DPP10: variants seen among roughly 807,000 people sequenced by gnomAD.
DPP10 encodes inactive dipeptidyl peptidase 10.
Under a neutral mutation model 120.9 loss-of-function variants are expected in DPP10, and 33 were observed. The observed-to-expected ratio is 0.27, with a 90% confidence interval of 0.21 to 0.37. The LOEUF (loss-of-function observed/expected upper bound fraction) is 0.37. Among genes scored for constraint, DPP10 ranks in the 10% least tolerant of loss-of-function variants. The pLI, the probability that DPP10 is intolerant of heterozygous loss-of-function variation, is 1.00. For synonymous variants in DPP10, 337 were observed against 326.1 expected (o/e 1.03, Z -0.36); for missense variants, 816 against 942.8 (o/e 0.87, Z 1.76).
At chr2:115,014,745 A>C (rs745363123) in intron 1 of DPP10, among the ~76,000 whole-genome samples, 6 of 152,098 alleles carry the variant, frequency 3.9e-5, no homozygotes, top group Non-Finnish European at 8.8e-5. Flanking sequence ...ATCTAGAAGA[A>C]ATGGATAAAT....
intron 10 of DPP10, among the ~76,000 whole-genome samples, chr2:115,751,959 C>T (rs964348441): frequency 1.4e-5 from 2 of 139,720 alleles, no homozygotes; most frequent in Non-Finnish European, 3.2e-5. Context: ...CCACAACACC[C>T]GGCTAATTTT....
intron 1 of DPP10, among the ~76,000 whole-genome samples, chr2:114,882,704 G>A (rs1691746184): frequency 6.6e-6 from 1 of 152,030 alleles, no homozygotes; most frequent in Non-Finnish European, 1.5e-5. Context: ...AATGCAGGCA[G>A]AGATATCTAC....
At chr2:115,237,012 G>A (rs148899757) in intron 1 of DPP10, among the ~76,000 whole-genome samples, 3 of 152,218 alleles carry the variant, frequency 2.0e-5, no homozygotes, top group African/African-American at 7.2e-5. Context: ...TTAATGTATA[G>A]CAGCAGCAAC....
rs181474495 is a variant in DPP10, at chr2:115,397,750, C to T, written c.271+53838C>T. Among the ~76,000 whole-genome samples, 7 of 152,230 alleles carry T rather than the reference C, an allele frequency of 4.6e-5. No homozygotes were observed. In the East Asian group the frequency reaches 9.6e-4, roughly 21 times the overall value. ...TCCTGTGCTTTTGGCTGTGATTTTC[C>T]GGTTACTTGAATTTCTTGTCTGCCT... On this transcript the variant is annotated intron_variant, in intron 3 of 25. Coordinates refer to ENST00000410059, the MANE Select transcript of DPP10 (RefSeq NM_020868.6).
At chr2:114,682,141 T>G (rs1178495770) in intron 1 of DPP10, among the ~76,000 whole-genome samples, 1 of 151,932 alleles carries the variant, frequency 6.6e-6, no homozygotes, top group Admixed American at 6.6e-5. Flanking sequence ...GACTCACAGA[T>G]TGGTGCTGTC....
At chr2:115,114,611 A>G (rs1043468534) in intron 1 of DPP10, among the ~76,000 whole-genome samples, 1 of 152,222 alleles carries the variant, frequency 6.6e-6, no homozygotes, top group African/African-American at 2.4e-5. Context: ...CCTGCATTCA[A>G]GTTCTAACTC....
At chr2:114,911,316 C>A (rs986877590) in intron 1 of DPP10, among the ~76,000 whole-genome samples, 2 of 152,036 alleles carry the variant, frequency 1.3e-5, no homozygotes, top group Non-Finnish European at 2.9e-5. Context: ...GTTTGTAGAG[C>A]CCTAATGAAT....
intron 1 of DPP10, among the ~76,000 whole-genome samples, chr2:114,884,660 C>G (rs1002326056): frequency 1.3e-5 from 2 of 152,120 alleles, no homozygotes; most frequent in African/African-American, 4.8e-5. Context: ...ACCTGTCACC[C>G]TAGCACTGTC....
chr2:115,327,117 GAT>G (rs1179959866), intron 2 of DPP10, among the ~76,000 whole-genome samples: 3 of 151,930 alleles, frequency 2.0e-5, no homozygotes, highest in African/African-American at 7.2e-5. Flanking sequence ...TCTATGTTTA[GAT>G]ACACAAATAG....
intron 1 of DPP10, among the ~76,000 whole-genome samples, chr2:114,482,333 A>G (rs1558799978): frequency 6.6e-6 from 1 of 152,148 alleles, no homozygotes; most frequent in African/African-American, 2.4e-5. Context: ...GATTGAATCT[A>G]TTTTTGCCTA....
At chr2:115,308,160 A>G (rs546114357) in intron 1 of DPP10, among the ~76,000 whole-genome samples, 16 of 152,186 alleles carry the variant, frequency 1.1e-4, no homozygotes, top group African/African-American at 3.9e-4. Flanking sequence ...ATTGACATCA[A>G]TGTTTTAATC....
chr2:115,739,691 G>A, intron 8 of DPP10, 48 bp from the exon 9 acceptor site: 2 of 1,583,844 alleles, frequency 1.3e-6, no homozygotes, highest in Non-Finnish European at 1.7e-6. Flanking sequence ...GTGGGTCACT[G>A]AGCCCACATC....
chr2:114,800,603 G>C (rs547746355), intron 1 of DPP10, among the ~76,000 whole-genome samples: 12 of 152,320 alleles, frequency 7.9e-5, no homozygotes, highest in Admixed American at 7.8e-4. Context: ...TCACATATTA[G>C]AGAAGGGGAC....
chr2:115,757,781 A>ATTTAT (rs71394166), intron 11 of DPP10, among the ~76,000 whole-genome samples: 85,411 of 151,210 alleles, frequency 0.56, 25,465 homozygotes, highest in East Asian at 0.73. Context: ...AATCAATATA[A>ATTTAT]TATATTAAGA....
chr2:114,475,910 A>G (rs1430520024), intron 1 of DPP10, among the ~76,000 whole-genome samples: 2 of 152,028 alleles, frequency 1.3e-5, no homozygotes, highest in Admixed American at 6.6e-5. Context: ...ATTTTGTTCA[A>G]ACAAGTTTTC....
In DPP10 at chr2:114,648,342, A is replaced by G. The variant is rs559578454; in HGVS notation, c.60+205504A>G. ...CTTGTTGGCTAGCAAGTAGGGTTAA[A>G]TCTCAGACCCTTCACAGTTCTTGAC... On this transcript the variant is annotated intron_variant, in intron 1 of 25. Coordinates refer to ENST00000410059, the MANE Select transcript of DPP10 (RefSeq NM_020868.6). Among the ~76,000 whole-genome samples, 3 of 152,300 alleles carry G rather than the reference A, an allele frequency of 2.0e-5. No individual in the cohort carries two copies. In the East Asian group the frequency reaches 5.8e-4, roughly 29 times the overall value.
chr2:114,785,940 C>G (rs772697597), intron 1 of DPP10, among the ~76,000 whole-genome samples: 11 of 152,166 alleles, frequency 7.2e-5, no homozygotes, highest in Non-Finnish European at 1.5e-4. Context: ...ATTTTCTTTT[C>G]CTGACCTCCA....
intron 1 of DPP10, among the ~76,000 whole-genome samples, chr2:115,099,237 C>A (rs543976742): frequency 2.0e-5 from 3 of 152,156 alleles, no homozygotes; most frequent in Non-Finnish European, 2.9e-5. Context: ...TCACTTGAAC[C>A]CAGGAGGCGG....
At chr2:114,620,001 C>T (rs1266817470) in intron 1 of DPP10, among the ~76,000 whole-genome samples, 1 of 151,948 alleles carries the variant, frequency 6.6e-6, no homozygotes, top group Non-Finnish European at 1.5e-5. Flanking sequence ...TAGGGAGGTT[C>T]ATCAATTATT....
Sources: allele counts gnomAD v4.1 joint callset (sites outside exome capture counted in the v4.1 genomes callset), GRCh38; gene constraint gnomAD v4.1.1; transcripts MANE v1.5; gene names NCBI Gene and HGNC (gene_info 2026-07-23, HGNC 2026-07-21).